The following ZNF133 variants were observed in gnomAD, a reference collection of about 807,000 sequenced individuals.
ZNF133 encodes the protein zinc finger protein 133, also known as zinc finger protein 133 (clone pHZ-13).
In ZNF133, 26 loss-of-function variants were observed where a neutral mutation model predicts 54.9. The observed-to-expected ratio is 0.47, with a 90% CI of 0.35 to 0.66. The LOEUF (loss-of-function observed/expected upper bound fraction) is 0.66, where lower values mean the gene tolerates loss of function less well. Among genes scored for constraint, ZNF133 ranks in the 30% least tolerant of loss-of-function variants. The pLI is 0.01. For synonymous variants in ZNF133, 298 were observed against 320.3 expected (o/e 0.93, Z 0.74); for missense variants, 653 against 820.8 (o/e 0.80, Z 2.50).
At chr20:18,298,800 G>A (rs1052195008) in intron 3 of ZNF133, among the ~76,000 whole-genome samples, 4 of 152,064 alleles carry the variant, frequency 2.6e-5, no homozygotes, top group Admixed American at 1.3e-4. Context: ...CTTTGAGAGC[G>A]AAATATTTGA....
At chr20:18,314,748 G>A in intron 6 of ZNF133, 1 of 247,308 alleles carries the variant, frequency 4.0e-6, no homozygotes, top group Non-Finnish European at 7.7e-6. Context: ...ATCTCAGTGT[G>A]CATGGTTGTG....
chr20:18,315,599 G>A lies in ZNF133; in HGVS notation c.748G>A (p.Gly250Ser), dbSNP rs779806477. The A allele has an allele frequency of 6.2e-7, 1 of 1,613,674 alleles. No individual in the cohort carries two copies. Among genetic ancestry groups the A allele is most frequent in the Non-Finnish European group, 8.5e-7 (1 of 1,179,890 alleles). ...KPYVCGVCEK[G>S]FSLKKSLARH... ...CTACGTGTGTGGGGTATGTGAGAAG[G>A]GCTTCAGCCTAAAGAAGAGCCTCGC... is the stretch of plus-strand genomic sequence containing the variant. Residue 250 changes from glycine to serine, a missense_variant, in exon 7 of 7, where the codon GGC becomes AGC. Transcript: ENST00000425686.
intron 6 of ZNF133, among the ~76,000 whole-genome samples, chr20:18,312,008 T>G (rs1410399302): frequency 3.1e-5 from 4 of 130,310 alleles, no homozygotes; most frequent in Non-Finnish European, 6.3e-5. Context: ...TTTGGGTTTG[T>G]TTGGTTGGTT....
chr20:18,292,794 T>C (rs1010465421), intron 1 of ZNF133, among the ~76,000 whole-genome samples: 5 of 152,204 alleles, frequency 3.3e-5, no homozygotes, highest in African/African-American at 4.8e-5. Flanking sequence ...TATCACACAG[T>C]AGGAGCATAA....
chr20:18,294,625 G>C (rs2041847015), intron 1 of ZNF133, among the ~76,000 whole-genome samples: 1 of 152,038 alleles, frequency 6.6e-6, no homozygotes, highest in Non-Finnish European at 1.5e-5. Flanking sequence ...AAAATAAAAA[G>C]TTTTAAAAAT....
rs2228273 is a variant in ZNF133, at chr20:18,315,432, G to A, written c.581G>A (p.Gly194Glu). Residue 194 changes from glycine to glutamate, a missense_variant, in exon 7 of 7, where the codon GGG becomes GAG. This residue lies in a region of ZNF133 where 227 missense variants were observed against 233.9 expected (regional missense o/e 0.97). Transcript: ENST00000425686. ...VELEASPAQS[G>E]NPEETDKLLK... ...TTAGAAGCCAGCCCAGCTCAGTCAG[G>A]GAACCCTGAGGAAACAGACAAATTG... 0.085 allele frequency: 137,470 copies of A among 1,614,072 alleles called. 6,392 individuals carry two copies. The highest frequency in any genetic ancestry group is 0.15 in the African/African-American group (11,426 of 75,012).
chr20:18,306,364 A>G lies in ZNF133; in HGVS notation c.188A>G (p.Glu63Gly), dbSNP rs779893733. ...CAAGGGAAAGAGACCTGGAGAGAGG[A>G]AAAAAAATGTTCACCGGCAACCTGT... ...LEQGKETWRE[E>G]KKCSPATCPA... The change falls in exon 6 of 7, where the codon GAA becomes GGA. Residue 63 changes from glutamate (E) to glycine (G), a missense_variant. By Grantham distance (98) the Glu-to-Gly change is moderately conservative (BLOSUM62 -2). Coordinates refer to ENST00000425686, the MANE Select transcript of ZNF133 (RefSeq NM_001352452.2). 2.5e-6 allele frequency: 4 copies of G among 1,610,152 alleles called. No individual in the cohort carries two copies. The highest frequency in any genetic ancestry group is 2.7e-5 in the African/African-American group (2 of 74,888).
chr20:18,298,997 C>CT (rs552010482), intron 3 of ZNF133, among the ~76,000 whole-genome samples: 11 of 152,058 alleles, frequency 7.2e-5, no homozygotes, highest in Non-Finnish European at 1.3e-4. Context: ...AAGGGAGACT[C>CT]TAACAGAGTT....
chr20:18,296,880 C>T (rs1424190332), intron 1 of ZNF133, among the ~76,000 whole-genome samples: 1 of 152,170 alleles, frequency 6.6e-6, no homozygotes, highest in Non-Finnish European at 1.5e-5. Flanking sequence ...ACATTCCCAC[C>T]AGCAGTATGC....
At chr20:18,314,930 A>G in intron 6 of ZNF133, 139 bp from the exon 7 acceptor site, 1 of 745,298 alleles carries the variant, frequency 1.3e-6, no homozygotes, top group African/African-American at 1.8e-5. Flanking sequence ...AGTAGGCTGG[A>G]GAGTAGGCCA....
chr20:18,293,438 C>T (rs1433829845), intron 1 of ZNF133, among the ~76,000 whole-genome samples: 3 of 152,334 alleles, frequency 2.0e-5, no homozygotes, highest in Non-Finnish European at 2.9e-5. Context: ...GGATTGAACT[C>T]GTTACGTGGT....
In ZNF133 at chr20:18,298,463, G is replaced by C. The variant is rs756966339; in HGVS notation, c.-179G>C. The stretch of plus-strand genomic sequence containing the variant: ...GTTCCCAGGGGGAAGGAAGCATGGA[G>C]GGTAAGTCACAGCTAATTTTAGCTC... On this transcript the variant is annotated splice_region_variant and 5_prime_UTR_variant, in exon 3 of 7. Coordinates refer to ENST00000425686, the MANE Select transcript of ZNF133 (RefSeq NM_001352452.2). 28 of 375,064 alleles carry C rather than the reference G, an allele frequency of 7.5e-5. No homozygotes were observed. Among genetic ancestry groups the C allele is most frequent in the Non-Finnish European group, 1.0e-4 (27 of 262,106 alleles). The allele number at this position is 375,064 out of a possible 1,614,324, so 23.2% of individuals were successfully genotyped here. A position where few individuals can be genotyped will look rare whatever the true frequency, so the allele number is the denominator to read the frequency against.
At chr20:18,291,454 T>A (rs2040961125) in intron 1 of ZNF133, among the ~76,000 whole-genome samples, 1 of 152,226 alleles carries the variant, frequency 6.6e-6, no homozygotes, top group Non-Finnish European at 1.5e-5. Flanking sequence ...TAGGTCTTCC[T>A]GGTTTTCCTC....
intron 6 of ZNF133, among the ~76,000 whole-genome samples, chr20:18,311,127 C>T (rs2045815028): frequency 6.6e-6 from 1 of 152,110 alleles, no homozygotes; most frequent in South Asian, 2.1e-4. Context: ...CAAGACCAGC[C>T]TGGGCAACAT....
Position 18,305,475 on chromosome 20 carries a change from G to GC in ZNF133, c.-6-200dup, listed in dbSNP as rs989024913. ...ATTTTGTGCACATATACCCTGTGTG[G>GC]CCCCCCAGGATCTTGACTGTATGGG... On this transcript the variant is annotated intron_variant, in intron 4 of 6. Transcript: ENST00000425686. This position sits in a 1 kb window ranked among gnomAD's most constrained non-coding sequence, Gnocchi z 4.7. Among the ~76,000 whole-genome samples the GC allele has an allele frequency of 6.6e-6, 1 of 152,062 alleles. No homozygotes were observed. Among genetic ancestry groups the GC allele is most frequent in the African/African-American group, 2.4e-5 (1 of 41,400 alleles).
chr20:18,306,396 G>A lies in ZNF133; in HGVS notation c.217+3G>A. 1.2e-6 allele frequency: 2 copies of A among 1,612,326 alleles called. No homozygotes were observed. The highest frequency in any genetic ancestry group is 1.7e-5 in the Admixed American group (1 of 59,804). ...ATGTTCACCGGCAACCTGTCCAGGT[G>A]AGTGGGAAAACACTGGACAAATGAG... On this transcript the variant is annotated splice_donor_region_variant and intron_variant, in intron 6 of 6. Transcript: ENST00000425686.
chr20:18,299,692 A>G (rs2042966871), intron 3 of ZNF133, among the ~76,000 whole-genome samples: 1 of 152,236 alleles, frequency 6.6e-6, no homozygotes, highest in African/African-American at 2.4e-5. Context: ...GAAAGCAGCA[A>G]GAGAAAAGCA....
At chr20:18,289,428 C>T (rs1019582384) in intron 1 of ZNF133, among the ~76,000 whole-genome samples, 7 of 152,158 alleles carry the variant, frequency 4.6e-5, no homozygotes, top group Admixed American at 4.6e-4. Flanking sequence ...ATCTCCATCA[C>T]CCAGATTCAA....
chr20:18,313,224 A>G (rs1024085066), intron 6 of ZNF133: 2 of 152,316 alleles, frequency 1.3e-5, no homozygotes, highest in Middle Eastern at 3.4e-3. Flanking sequence ...TGACCAACTG[A>G]AAAAACTGAC....
Sources: gnomAD v4.1 joint callset for allele counts (sites outside exome capture counted in the v4.1 genomes callset) on GRCh38, gnomAD v4.1.1 for gene constraint, gnomAD v4.1.1 regional missense constraint, Gnocchi (gnomAD v3.1) non-coding constraint, MANE v1.5 for transcripts, NCBI Gene and HGNC (gene_info 2026-07-23, HGNC 2026-07-21) for gene names.